The following DPP10 variants were observed in gnomAD, a reference collection of about 807,000 sequenced individuals.
DPP10 encodes the protein inactive dipeptidyl peptidase 10.
DPP10 carries 33 observed loss-of-function variants against 120.9 expected under a neutral mutation model. The observed-to-expected ratio is 0.27, with a 90% CI of 0.21 to 0.37. The LOEUF is 0.37. Ranked by LOEUF, DPP10 falls within the 10% of genes least tolerant of loss-of-function variation. The pLI, the probability that DPP10 is intolerant of heterozygous loss-of-function variation, is 1.00. For missense variants in DPP10, 816 were observed against 942.8 expected (o/e 0.87, Z 1.76); for synonymous variants, 337 against 326.1 (o/e 1.03, Z -0.36).
intron 19 of DPP10, among the ~76,000 whole-genome samples, chr2:115,796,295 A>G (rs866982854): frequency 4.6e-5 from 7 of 152,130 alleles, no homozygotes; most frequent in Non-Finnish European, 7.4e-5. Context: ...GCACACCGCT[A>G]TTACAAACAT....
intron 1 of DPP10, among the ~76,000 whole-genome samples, chr2:115,297,624 G>A (rs1438938826): frequency 2.0e-5 from 3 of 152,042 alleles, no homozygotes; most frequent in Non-Finnish European, 1.5e-5. Flanking sequence ...GCAATGAGAA[G>A]TAACTATGTT....
chr2:114,470,283 C>T (rs1270335902), intron 1 of DPP10, among the ~76,000 whole-genome samples: 2 of 152,106 alleles, frequency 1.3e-5, no homozygotes, highest in Non-Finnish European at 2.9e-5. Context: ...GAATTTAAGA[C>T]ACTAGTTCCC....
At chr2:114,918,736 C>T (rs1488380329) in intron 1 of DPP10, among the ~76,000 whole-genome samples, 3 of 152,050 alleles carry the variant, frequency 2.0e-5, no homozygotes, top group Non-Finnish European at 2.9e-5. Flanking sequence ...TATGTGGATG[C>T]TAAACACTGA....
At chr2:115,019,877 A>G (rs1363235649) in intron 1 of DPP10, among the ~76,000 whole-genome samples, 1 of 152,240 alleles carries the variant, frequency 6.6e-6, no homozygotes, top group East Asian at 1.9e-4. Flanking sequence ...CCTTGAGCAA[A>G]ACAATAATTA....
At chr2:114,920,461 G>A (rs750843787) in intron 1 of DPP10, among the ~76,000 whole-genome samples, 1 of 152,194 alleles carries the variant, frequency 6.6e-6, no homozygotes, top group Non-Finnish European at 1.5e-5. Flanking sequence ...AGACTGATTA[G>A]TGAGGCAGTT....
chr2:114,593,077 C>A (rs1451356613), intron 1 of DPP10, among the ~76,000 whole-genome samples: 1 of 152,132 alleles, frequency 6.6e-6, no homozygotes, highest in African/African-American at 2.4e-5. Flanking sequence ...AGTAATGAGA[C>A]TTTTATCAAC....
At chr2:114,508,523 G>A (rs1329664727) in intron 1 of DPP10, among the ~76,000 whole-genome samples, 1 of 151,946 alleles carries the variant, frequency 6.6e-6, no homozygotes, top group Non-Finnish European at 1.5e-5. Context: ...TTAATTTTTG[G>A]CTTTAGGAAT....
At chr2:115,269,992 G>A (rs1208308444) in intron 1 of DPP10, among the ~76,000 whole-genome samples, 1 of 151,280 alleles carries the variant, frequency 6.6e-6, no homozygotes, top group Non-Finnish European at 1.5e-5. Context: ...TATTTATGAT[G>A]TGCCTTTCAC....
chr2:114,910,706 T>C (rs1186592849), intron 1 of DPP10, among the ~76,000 whole-genome samples: 2 of 152,146 alleles, frequency 1.3e-5, no homozygotes, highest in African/African-American at 2.4e-5. Context: ...GTTTTGTGCA[T>C]AAGAAATCTG....
At chr2:115,458,432 C>G (rs1197888813) in intron 3 of DPP10, among the ~76,000 whole-genome samples, 1 of 152,064 alleles carries the variant, frequency 6.6e-6, no homozygotes, top group Non-Finnish European at 1.5e-5. Context: ...CATATATAAG[C>G]TATTTAGACT....
intron 1 of DPP10, among the ~76,000 whole-genome samples, chr2:114,913,556 C>G: frequency 6.6e-6 from 1 of 152,092 alleles, no homozygotes; most frequent in South Asian, 2.1e-4. Context: ...TATACCACAG[C>G]CAAAAGCAAA....
intron 4 of DPP10, among the ~76,000 whole-genome samples, chr2:115,521,972 G>T (rs1029599220): frequency 2.6e-5 from 4 of 152,014 alleles, no homozygotes; most frequent in Non-Finnish European, 5.9e-5. Flanking sequence ...TGCATTTTTT[G>T]AAGTTTATTC....
At chr2:114,632,060 T>C (rs1324477638) in intron 1 of DPP10, among the ~76,000 whole-genome samples, 1 of 152,226 alleles carries the variant, frequency 6.6e-6, no homozygotes, top group Non-Finnish European at 1.5e-5. Flanking sequence ...AAATATCTTC[T>C]TCTATCCCTT....
chr2:115,272,710 T>C (rs1204299401), intron 1 of DPP10, among the ~76,000 whole-genome samples: 1 of 152,246 alleles, frequency 6.6e-6, no homozygotes, highest in Non-Finnish European at 1.5e-5. Flanking sequence ...AATATAAATG[T>C]TGGATCTTTC....
Position 114,496,504 on chromosome 2 carries a change from G to A in DPP10, c.60+53666G>A, listed in dbSNP as rs535255293. ...TCTGACTCCTGGTTTGTAGATGACTGTTTTCTTGTGTCCTCATAAGGTAGA... is the reference window on the plus strand; with the variant it reads ...TCTGACTCCTGGTTTGTAGATGACTATTTTCTTGTGTCCTCATAAGGTAGA... On this transcript the variant is annotated intron_variant, in intron 1 of 25. Coordinates refer to ENST00000410059, the MANE Select transcript of DPP10 (RefSeq NM_020868.6). Among the ~76,000 whole-genome samples the A allele has an allele frequency of 1.8e-4, 27 of 152,158 alleles. No individual in the cohort carries two copies. The South Asian group carries it at 5.0e-3, about 28-fold the overall frequency.
chr2:115,064,670 G>A (rs1706695789), intron 1 of DPP10: 2 of 1,293,950 alleles, frequency 1.5e-6, no homozygotes, highest in Admixed American at 2.3e-5. Context: ...GGAAGCATGA[G>A]TGAGTGACAT....
intron 5 of DPP10, among the ~76,000 whole-genome samples, chr2:115,632,676 A>G (rs1385054751): frequency 6.6e-6 from 1 of 152,168 alleles, no homozygotes; most frequent in Non-Finnish European, 1.5e-5. Flanking sequence ...TTTACAATCT[A>G]CCCATCTGAC....
At chr2:114,482,414 A>T (rs1452445315) in intron 1 of DPP10, among the ~76,000 whole-genome samples, 1 of 152,172 alleles carries the variant, frequency 6.6e-6, no homozygotes, top group Non-Finnish European at 1.5e-5. Context: ...AAGTGGAAAT[A>T]ACAATTATGA....
At chr2:115,127,872 A>C (rs776801540) in intron 1 of DPP10, among the ~76,000 whole-genome samples, 11 of 152,152 alleles carry the variant, frequency 7.2e-5, no homozygotes, top group Non-Finnish European at 1.3e-4. Context: ...GTGGCAAAGG[A>C]TATACTCCCT....
Sources: allele counts gnomAD v4.1 joint callset (sites outside exome capture counted in the v4.1 genomes callset), GRCh38; gene constraint gnomAD v4.1.1; transcripts MANE v1.5; gene names NCBI Gene and HGNC (gene_info 2026-07-23, HGNC 2026-07-21).